The following TMEM201 variants were observed in gnomAD, a reference collection of about 807,000 sequenced individuals.
TMEM201 encodes RP13-15M17.2.
In TMEM201, 26 loss-of-function variants were observed where a neutral mutation model predicts 63.4. The ratio of observed to expected loss-of-function variants is 0.41; its 90% CI spans 0.30 to 0.57. TMEM201 has a LOEUF of 0.57. TMEM201 is among the 20% of genes least tolerant of loss of function. The pLI is 0.29. For missense variants in TMEM201, 794 were observed against 917.7 expected (o/e 0.87, Z 1.74); for synonymous variants, 417 against 421.6 (o/e 0.99, Z 0.14).
chr1:9,597,673 GCAGGTCC>G (rs1206886626), intron 3 of TMEM201, among the ~76,000 whole-genome samples: 4 of 152,158 alleles, frequency 2.6e-5, no homozygotes. Context: ...ACCTCAAGAG[GCAGGTCC>G]CAGCTGGGGC....
Position 9,613,145 on chromosome 1 carries a change from C to T in TMEM201, c.*62C>T. The T allele has an allele frequency of 4.7e-6, 7 of 1,489,326 alleles. 1 individual carries two copies. The highest frequency in any genetic ancestry group is 1.7e-4 in the Middle Eastern group (1 of 5,752). The allele number at this position is 1,489,326 out of a possible 1,614,324, so 92.3% of individuals were successfully genotyped here. Reference sequence around the variant, plus strand: ...TGCCTGCTGCTTCACCACTGCCGGCCTCAGGACCCTCCCTGGAGGGGCTGC... The same window carrying T: ...TGCCTGCTGCTTCACCACTGCCGGCTTCAGGACCCTCCCTGGAGGGGCTGC... On this transcript the variant is annotated 3_prime_UTR_variant, in exon 11 of 11. Coordinates refer to ENST00000340381, the MANE Select transcript of TMEM201 (RefSeq NM_001130924.3).
rs373281361 is a variant in TMEM201, at chr1:9,601,161, C to T, written c.663C>T (p.Ala221=). 38 of 1,608,388 alleles carry T rather than the reference C, an allele frequency of 2.4e-5. No individual in the cohort carries two copies. In the East Asian group the frequency reaches 3.8e-4, roughly 16 times the overall value. The change falls in exon 5 of 11, where the codon GCC becomes GCT. Residue 221 remains alanine, a synonymous_variant. Coordinates refer to ENST00000340381, the MANE Select transcript of TMEM201 (RefSeq NM_001130924.3). ...AGGTCATCCTGCTCCGTGCCCTCGCCTTCCTGGCCTGCGCCTTCCTACTGA... is the reference window on the plus strand; with the variant it reads ...AGGTCATCCTGCTCCGTGCCCTCGCTTTCCTGGCCTGCGCCTTCCTACTGA... The part of the protein sequence containing the change: ...PVQVILLRAL[A]FLACAFLLTT...
intron 3 of TMEM201, 80 bp from the exon 4 acceptor site, chr1:9,598,369 C>A: frequency 6.6e-7 from 1 of 1,516,146 alleles, no homozygotes; most frequent in Non-Finnish European, 9.0e-7. Context: ...AGGTCAGGAT[C>A]TGATTCCACG....
At chr1:9,601,681 GCCTCCTCTCT>G (rs1258775974) in intron 5 of TMEM201, among the ~76,000 whole-genome samples, 1 of 152,188 alleles carries the variant, frequency 6.6e-6, no homozygotes, top group African/African-American at 2.4e-5. Context: ...GGGCCGGGTT[GCCTCCTCTCT>G]CCTCCTCGGG....
At chr1:9,589,952 G>A (rs1443159077) in intron 1 of TMEM201, among the ~76,000 whole-genome samples, 1 of 152,226 alleles carries the variant, frequency 6.6e-6, no homozygotes, top group Non-Finnish European at 1.5e-5. Context: ...GCAGAGCTGG[G>A]GTTTGAACCC....
chr1:9,592,333 T>A (rs1569905741), intron 1 of TMEM201, among the ~76,000 whole-genome samples: 1 of 152,136 alleles, frequency 6.6e-6, no homozygotes, highest in South Asian at 2.1e-4. Context: ...ACTCTTACAG[T>A]CTTTCCAACC....
intron 4 of TMEM201, among the ~76,000 whole-genome samples, chr1:9,599,565 T>C (rs1184497745): frequency 6.6e-6 from 1 of 152,044 alleles, no homozygotes; most frequent in Non-Finnish European, 1.5e-5. Context: ...TCCAAATAAC[T>C]GTTTCCATCA....
chr1:9,602,543 T>C (rs927250207), intron 6 of TMEM201: 1 of 1,368,228 alleles, frequency 7.3e-7, no homozygotes, highest in African/African-American at 1.5e-5. Context: ...AATGGCCCTT[T>C]CACTGGCCTG....
Position 9,603,829 on chromosome 1 carries a change from A to G in TMEM201, c.1160+1557A>G, listed in dbSNP as rs1644193570. 2.0e-6 allele frequency: 2 copies of G among 985,306 alleles called. No individual in the cohort carries two copies. Among genetic ancestry groups the G allele is most frequent in the Non-Finnish European group, 2.4e-6 (2 of 829,952 alleles). The allele number at this position is 985,306 out of a possible 1,614,324, so 61.0% of individuals were successfully genotyped here. On this transcript the variant is annotated intron_variant, in intron 6 of 10. Coordinates refer to ENST00000340381, the MANE Select transcript of TMEM201 (RefSeq NM_001130924.3). This position sits in a 1 kb window ranked among gnomAD's most constrained non-coding sequence, Gnocchi z 4.5. ...GGGGCTTCTGTGGCCTCTGTGCCCGATGACCTGCGTGGCTTCAGACAAGGC... is the reference window on the plus strand; with the variant it reads ...GGGGCTTCTGTGGCCTCTGTGCCCGGTGACCTGCGTGGCTTCAGACAAGGC...
At chr1:9,589,798 A>G (rs1269693644) in intron 1 of TMEM201, among the ~76,000 whole-genome samples, 1 of 152,160 alleles carries the variant, frequency 6.6e-6, no homozygotes, top group Non-Finnish European at 1.5e-5. Flanking sequence ...CACTTGATCC[A>G]CCTTTCCAGA....
In TMEM201 at chr1:9,613,337, T is replaced by A. The variant is rs565104667; in HGVS notation, c.*254T>A. The A allele has an allele frequency of 2.4e-5, 13 of 549,144 alleles. No homozygotes were observed. The highest frequency in any genetic ancestry group is 3.6e-5 in the Non-Finnish European group (11 of 306,066). The allele number at this position is 549,144 out of a possible 1,614,324, so 34.0% of individuals were successfully genotyped here. On this transcript the variant is annotated 3_prime_UTR_variant, in exon 11 of 11. Transcript: ENST00000340381. Reference sequence around the variant, plus strand: ...CATCGGTTGTGTTTGGTGCTGACACTCTGATCCCGAAGCCAGGGAGCCCCA... The same window carrying A: ...CATCGGTTGTGTTTGGTGCTGACACACTGATCCCGAAGCCAGGGAGCCCCA...
At chr1:9,611,082 G>A in intron 9 of TMEM201, 1 of 1,499,964 alleles carries the variant, frequency 6.7e-7, no homozygotes, top group South Asian at 1.2e-5. Context: ...AGGTGCGTGT[G>A]GCCACAGATA....
At chr1:9,599,311 G>A (rs900515466) in intron 4 of TMEM201, among the ~76,000 whole-genome samples, 4 of 151,542 alleles carry the variant, frequency 2.6e-5, no homozygotes, top group Admixed American at 6.6e-5. Flanking sequence ...GAAGTGGCGC[G>A]ATCTCGGCTC....
At chr1:9,589,321 G>C (rs1374031733) in intron 1 of TMEM201, among the ~76,000 whole-genome samples, 1 of 151,956 alleles carries the variant, frequency 6.6e-6, no homozygotes, top group Non-Finnish European at 1.5e-5. Context: ...CGGGGGGCTG[G>C]AGCCGGTGCG....
chr1:9,601,812 C>G (rs558656740), intron 5 of TMEM201, among the ~76,000 whole-genome samples: 5 of 152,174 alleles, frequency 3.3e-5, no homozygotes, highest in African/African-American at 1.2e-4. Flanking sequence ...GCTGTGTCCC[C>G]GTCGCCCCTG....
intron 4 of TMEM201, among the ~76,000 whole-genome samples, chr1:9,600,691 G>A (rs2100486783): frequency 6.6e-6 from 1 of 152,200 alleles, no homozygotes; most frequent in South Asian, 2.1e-4. Context: ...GGCCGAGGCT[G>A]GTGGATCACC....
chr1:9,613,068 C>T lies in TMEM201; in HGVS notation c.1986C>T (p.Tyr662=). Residue 662 remains tyrosine (Y), a synonymous_variant, in exon 11 of 11, where the codon TAC becomes TAT. Transcript: ENST00000340381. ...CCCTGTTCACCTCGGTGTTTCTGTA[C>T]CAGAGCCTGCGCTGACCCACCGTTG... The part of the protein sequence containing the change: ...ANALFTSVFL[Y]QSLR The T allele has an allele frequency of 6.4e-7, 1 of 1,550,984 alleles. No homozygotes were observed.
At chr1:9,611,378 A>C (rs2100528434) in intron 9 of TMEM201, among the ~76,000 whole-genome samples, 1 of 152,232 alleles carries the variant, frequency 6.6e-6, no homozygotes, top group South Asian at 2.1e-4. Flanking sequence ...TTATATTTTT[A>C]GTAGAGACGG....
Position 9,613,258 on chromosome 1 carries a change from G to T in TMEM201, c.*175G>T. The T allele has an allele frequency of 1.6e-6, 1 of 620,542 alleles. No homozygotes were observed. The highest frequency in any genetic ancestry group is 2.8e-6 in the Non-Finnish European group (1 of 351,244). 38.4% of individuals were successfully genotyped at this position (620,542 alleles called of 1,614,324 possible). A position where few individuals can be genotyped will look rare whatever the true frequency, so the allele number is the denominator to read the frequency against. On this transcript the variant is annotated 3_prime_UTR_variant, in exon 11 of 11. Coordinates refer to ENST00000340381, the MANE Select transcript of TMEM201 (RefSeq NM_001130924.3). Reference sequence around the variant, plus strand: ...GCCCCTCCTCACCTAACGGACTGCAGGGCTGAGCATGTGTCTGAGGTCACA... The same window carrying T: ...GCCCCTCCTCACCTAACGGACTGCATGGCTGAGCATGTGTCTGAGGTCACA...
Sources: allele counts gnomAD v4.1 joint callset (sites outside exome capture counted in the v4.1 genomes callset), GRCh38; gene constraint gnomAD v4.1.1; non-coding constraint Gnocchi (gnomAD v3.1); transcripts MANE v1.5; gene names NCBI Gene and HGNC (gene_info 2026-07-23, HGNC 2026-07-21).